Variants in MOB3B observed in about 807,000 individuals in gnomAD.
MOB3B encodes MOB kinase activator 3B, also known as MOB kinase activator-like 2B.
MOB3B carries 7 observed loss-of-function variants against 18.7 expected under a neutral mutation model. The ratio of observed to expected loss-of-function variants is 0.37; its 90% CI spans 0.21 to 0.70. The LOEUF (loss-of-function observed/expected upper bound fraction) is 0.70, where lower values mean the gene tolerates loss of function less well. Ranked by LOEUF, MOB3B falls within the 30% of genes least tolerant of loss-of-function variation. MOB3B has a pLI of 0.52. For missense variants in MOB3B, 253 were observed against 281.3 expected (o/e 0.90, Z 0.72); for synonymous variants, 111 against 99.9 (o/e 1.11, Z -0.66).
intron 3 of MOB3B, among the ~76,000 whole-genome samples, chr9:27,341,946 A>G (rs991229557): frequency 6.6e-6 from 1 of 152,230 alleles, no homozygotes; most frequent in African/African-American, 2.4e-5. Flanking sequence ...ATGGCCCATA[A>G]GCTAAGAGTG....
At chr9:27,342,696 G>C (rs1244052928) in intron 3 of MOB3B, among the ~76,000 whole-genome samples, 1 of 152,194 alleles carries the variant, frequency 6.6e-6, no homozygotes, top group South Asian at 2.1e-4. Context: ...TCCAGCTCCT[G>C]ACCACGAGTG....
At chr9:27,454,511 G>A (rs761141385) in intron 2 of MOB3B, among the ~76,000 whole-genome samples, 1 of 152,194 alleles carries the variant, frequency 6.6e-6, no homozygotes, top group African/African-American at 2.4e-5. Context: ...AAGACTGACT[G>A]GTCCTTCCTT....
At chr9:27,498,096 G>A (rs191917398) in intron 1 of MOB3B, among the ~76,000 whole-genome samples, 181 of 152,200 alleles carry the variant, frequency 1.2e-3, no homozygotes, top group Non-Finnish European at 1.9e-3. Flanking sequence ...TCACTTCCCG[G>A]CTGCCCACCC....
chr9:27,396,146 C>G (rs1227699715), intron 2 of MOB3B, among the ~76,000 whole-genome samples: 1 of 152,188 alleles, frequency 6.6e-6, no homozygotes, highest in African/African-American at 2.4e-5. Context: ...ACTTTCCCTA[C>G]ATGTATTTTT....
chr9:27,443,737 A>G (rs1305173814), intron 2 of MOB3B, among the ~76,000 whole-genome samples: 1 of 152,106 alleles, frequency 6.6e-6, no homozygotes, highest in African/African-American at 2.4e-5. Context: ...TTCAAGACTC[A>G]CCATCAGGGT....
At chr9:27,459,552 A>C (rs1353406325) in intron 1 of MOB3B, among the ~76,000 whole-genome samples, 2 of 152,108 alleles carry the variant, frequency 1.3e-5, no homozygotes, top group East Asian at 3.9e-4. Flanking sequence ...GAATAAACAA[A>C]CTTCCATTTA....
chr9:27,366,135 G>A (rs957951101), intron 2 of MOB3B, among the ~76,000 whole-genome samples: 2 of 152,148 alleles, frequency 1.3e-5, no homozygotes, highest in Admixed American at 1.3e-4. Context: ...TTGTAGCCCT[G>A]TCTCTGTTGC....
chr9:27,427,012 G>A (rs1346566543), intron 2 of MOB3B, among the ~76,000 whole-genome samples: 1 of 152,226 alleles, frequency 6.6e-6, no homozygotes, highest in African/African-American at 2.4e-5. Context: ...TTTAGGAAGA[G>A]AACATCCAAG....
chr9:27,362,966 C>T (rs986092528), intron 2 of MOB3B, among the ~76,000 whole-genome samples: 1 of 152,174 alleles, frequency 6.6e-6, no homozygotes, highest in African/African-American at 2.4e-5. Context: ...GATGTCCACC[C>T]CTTCTGCAGA....
chr9:27,333,953 T>C (rs555575512), intron 3 of MOB3B, among the ~76,000 whole-genome samples: 2 of 152,320 alleles, frequency 1.3e-5, no homozygotes, highest in South Asian at 4.2e-4. Context: ...TTCTTTCTTA[T>C]ATCTGGTAAA....
At chr9:27,512,797 A>G (rs1164472232) in intron 1 of MOB3B, among the ~76,000 whole-genome samples, 2 of 152,218 alleles carry the variant, frequency 1.3e-5, no homozygotes, top group Non-Finnish European at 2.9e-5. Flanking sequence ...CAATTATATG[A>G]TTATATTCCA....
At chr9:27,446,888 C>G (rs536060846) in intron 2 of MOB3B, among the ~76,000 whole-genome samples, 6 of 152,292 alleles carry the variant, frequency 3.9e-5, no homozygotes, top group Admixed American at 1.3e-4. Flanking sequence ...TTTAACTACT[C>G]CATCCCCTTC....
At chr9:27,381,477 C>G (rs1200674635) in intron 2 of MOB3B, among the ~76,000 whole-genome samples, 1 of 152,036 alleles carries the variant, frequency 6.6e-6, no homozygotes, top group East Asian at 1.9e-4. Context: ...CCTGAGAACC[C>G]TGAGTGGCCC....
rs567633797 is a variant in MOB3B, at chr9:27,333,650, T to C, written c.622-3034A>G. Among the ~76,000 whole-genome samples, 170 of 152,324 alleles carry C rather than the reference T, an allele frequency of 1.1e-3. 1 individual carries two copies. Among genetic ancestry groups the C allele is most frequent in the African/African-American group, 4.0e-3 (166 of 41,574 alleles). On this transcript the variant is annotated intron_variant, in intron 3 of 3. Transcript: ENST00000262244. ...TCCTGGTGACTGTGCTTGGCTTGTA[T>C]ATGAAGATTTTCAAAAACACCTGAA...
At chr9:27,516,618 A>C (rs1820238999) in intron 1 of MOB3B, among the ~76,000 whole-genome samples, 1 of 152,202 alleles carries the variant, frequency 6.6e-6, no homozygotes, top group South Asian at 2.1e-4. Context: ...ACAAACAAAC[A>C]AAACGAAAAA....
intron 2 of MOB3B, among the ~76,000 whole-genome samples, chr9:27,416,157 A>G (rs1001585783): frequency 6.6e-6 from 1 of 152,198 alleles, no homozygotes; most frequent in African/African-American, 2.4e-5. Context: ...GAATAACTAC[A>G]GTTTAATAAA....
chr9:27,499,727 C>G (rs1819959249), intron 1 of MOB3B, among the ~76,000 whole-genome samples: 1 of 152,040 alleles, frequency 6.6e-6, no homozygotes, highest in African/African-American at 2.4e-5. Flanking sequence ...AAGGACAAGT[C>G]ACAGCAGGAA....
In MOB3B at chr9:27,417,546, G is replaced by C. The variant is rs149908579; in HGVS notation, c.418+37587C>G. Among the ~76,000 whole-genome samples the C allele has an allele frequency of 1.3e-3, 195 of 152,220 alleles. 4 individuals are homozygous for C. Among genetic ancestry groups the C allele is most frequent in the Middle Eastern group, 6.8e-3 (2 of 294 alleles). On this transcript the variant is annotated intron_variant, in intron 2 of 3. Coordinates refer to ENST00000262244, the MANE Select transcript of MOB3B (RefSeq NM_024761.5). ...ACAGCCTCCCTGTGCCCAGCTCCAG[G>C]AATCAACAATTCTCTTCCTTGGGAT...
At chr9:27,378,968 G>A (rs1048542150) in intron 2 of MOB3B, among the ~76,000 whole-genome samples, 4 of 152,148 alleles carry the variant, frequency 2.6e-5, no homozygotes, top group Admixed American at 1.3e-4. Context: ...GCTCTGTTCT[G>A]CCTCCTCAGG....
Sources: gnomAD v4.1 joint callset for allele counts (sites outside exome capture counted in the v4.1 genomes callset) on GRCh38, gnomAD v4.1.1 for gene constraint, MANE v1.5 for transcripts, NCBI Gene and HGNC (gene_info 2026-07-23, HGNC 2026-07-21) for gene names.